The following DGCR2 variants were observed in gnomAD, a reference collection of about 807,000 sequenced individuals.
The protein encoded by DGCR2 is integral membrane protein DGCR2/IDD.
DGCR2 carries 24 observed loss-of-function variants against 51.6 expected under a neutral mutation model. The ratio of observed to expected loss-of-function variants is 0.47; its 90% confidence interval spans 0.34 to 0.65. The LOEUF is 0.65. Among genes scored for constraint, DGCR2 ranks in the 30% least tolerant of loss-of-function variants. The pLI is 0.01. For missense variants in DGCR2, 765 were observed against 772.1 expected, an observed-to-expected ratio of 0.99 and a Z score of 0.11; for synonymous variants, 340 against 315.4, an observed-to-expected ratio of 1.08 and a Z score of -0.82.
intron 1 of DGCR2, among the ~76,000 whole-genome samples, chr22:19,118,374 C>CAAAAA (rs923572855): frequency 9.7e-3 from 541 of 55,844 alleles, no homozygotes; most frequent in Middle Eastern, 0.017. Flanking sequence ...CCATCGCAAA[C>CAAAAA]AAAAAAAAAA....
At position 19,048,476 on chromosome 22, in the gene DGCR2, G is replaced by C; in HGVS notation, c.970C>G (p.Pro324Ala). 1 of 1,614,178 alleles carries C rather than the reference G, an allele frequency of 6.2e-7. No individual in the cohort carries two copies. The highest frequency in any genetic ancestry group is 8.5e-7 in the Non-Finnish European group (1 of 1,180,038). ...PQGCQQYRKDPKECCKFMCLD... is the reference protein window; with the variant it reads ...PQGCQQYRKDAKECCKFMCLD... ...CACATGAACTTGCAGCACTCTTTGG[G>C]GTCCTTGCGGTACTGTTGGCAGCCC... The change falls in exon 7 of 10, where the codon CCC (proline) becomes GCC (alanine). Residue 324 changes from proline to alanine, a missense_variant. Transcript: ENST00000263196.
At chr22:19,060,850 A>G (rs1232334699) in intron 5 of DGCR2, 1 of 515,844 alleles carries the variant, frequency 1.9e-6, no homozygotes, top group Non-Finnish European at 3.9e-6. Context: ...ACCAAGGCGC[A>G]CAGGAACCCT....
At chr22:19,096,376 T>A (rs1296726608) in intron 1 of DGCR2, among the ~76,000 whole-genome samples, 2 of 152,150 alleles carry the variant, frequency 1.3e-5, no homozygotes, top group Non-Finnish European at 2.9e-5. Flanking sequence ...AGAGGTTGGT[T>A]AATAGGTACA....
intron 2 of DGCR2, among the ~76,000 whole-genome samples, chr22:19,068,988 T>C (rs909683898): frequency 6.6e-6 from 1 of 152,150 alleles, no homozygotes; most frequent in Non-Finnish European, 1.5e-5. Flanking sequence ...TCTCACAAGG[T>C]GAAGGGCAGA....
chr22:19,059,224 C>A (rs190782903), intron 5 of DGCR2, among the ~76,000 whole-genome samples: 1 of 152,248 alleles, frequency 6.6e-6, no homozygotes, highest in African/African-American at 2.4e-5. Flanking sequence ...GGACCCCCAG[C>A]AGCTGTGTGA....
At chr22:19,094,553 T>G (rs893856628) in intron 1 of DGCR2, among the ~76,000 whole-genome samples, 1 of 152,262 alleles carries the variant, frequency 6.6e-6, no homozygotes, top group African/African-American at 2.4e-5. Flanking sequence ...AGTGAAAATG[T>G]AAATGGTACA....
intron 1 of DGCR2, among the ~76,000 whole-genome samples, chr22:19,107,424 T>C (rs1407041926): frequency 6.6e-6 from 1 of 152,182 alleles, no homozygotes; most frequent in African/African-American, 2.4e-5. Flanking sequence ...CATTTATTTC[T>C]CATAAATAAC....
intron 7 of DGCR2, chr22:19,045,491 G>A (rs1416446030): frequency 6.6e-6 from 1 of 152,242 alleles, no homozygotes; most frequent in African/African-American, 2.4e-5. Context: ...TACTATGGCT[G>A]TACAGTAACT....
chr22:19,098,850 T>A lies in DGCR2; in HGVS notation c.80-9360A>T, dbSNP rs527674225. 2.0e-5 allele frequency among the ~76,000 whole-genome samples: 3 copies of A among 152,242 alleles called. No individual in the cohort carries two copies. In the East Asian group the frequency reaches 5.8e-4, roughly 29 times the overall value. ...CTCAAGCAATCTTCTCACCTTATGC[T>A]CTCAAAGTTTTGGGATTACAGGCAT... On this transcript the variant is annotated intron_variant, in intron 1 of 9. Coordinates refer to ENST00000263196, the MANE Select transcript of DGCR2 (RefSeq NM_005137.3).
At chr22:19,053,976 G>A (rs989278164) in intron 6 of DGCR2, among the ~76,000 whole-genome samples, 1 of 152,196 alleles carries the variant, frequency 6.6e-6, no homozygotes. Context: ...TAGTAAACCT[G>A]AGGACAGGTC....
intron 1 of DGCR2, among the ~76,000 whole-genome samples, chr22:19,107,994 T>C (rs1452383051): frequency 3.3e-5 from 5 of 152,152 alleles, no homozygotes; most frequent in Non-Finnish European, 5.9e-5. Flanking sequence ...AATACATTAT[T>C]ATGAATCCTT....
chr22:19,086,321 C>G (rs2083015048), intron 2 of DGCR2, among the ~76,000 whole-genome samples: 1 of 151,400 alleles, frequency 6.6e-6, no homozygotes, highest in Non-Finnish European at 1.5e-5. Flanking sequence ...ACTAAAAATA[C>G]AAAAAAAATT....
In DGCR2 at chr22:19,068,168, C is replaced by T; in HGVS notation, c.260G>A (p.Gly87Glu). The change falls in exon 3 of 10, where the codon GGG becomes GAG. Residue 87 changes from glycine to glutamate, a missense_variant. Coordinates refer to ENST00000263196, the MANE Select transcript of DGCR2 (RefSeq NM_005137.3). Reference sequence around the variant, plus strand: ...CGAAGGGTCGCCTCCTCTGGCCCGCCCCTGCCGCGGATCCACAGCCTCCTT... The same window carrying T: ...CGAAGGGTCGCCTCCTCTGGCCCGCTCCTGCCGCGGATCCACAGCCTCCTT... ...HGKEAVDPRQ[G>E]RARGGDPSHF... 1 of 1,611,678 alleles carries T rather than the reference C, an allele frequency of 6.2e-7. No individual in the cohort carries two copies. The highest frequency in any genetic ancestry group is 1.1e-5 in the South Asian group (1 of 90,834).
Position 19,074,530 on chromosome 22 carries a change from G to A in DGCR2, c.203-6305C>T, listed in dbSNP as rs529800895. ...GCAGGCAAGACCTCACAGAGCACAG[G>A]GCCCAGACTCACCCACCAGGCTTAG... On this transcript the variant is annotated intron_variant, in intron 2 of 9. Transcript: ENST00000263196. Among the ~76,000 whole-genome samples, 3 of 152,202 alleles carry A rather than the reference G, an allele frequency of 2.0e-5. No individual in the cohort carries two copies. In the East Asian group the frequency reaches 5.8e-4, roughly 29 times the overall value.
chr22:19,059,249 G>A (rs1397737918), intron 5 of DGCR2, among the ~76,000 whole-genome samples: 3 of 152,150 alleles, frequency 2.0e-5, no homozygotes, highest in Non-Finnish European at 2.9e-5. Flanking sequence ...CGGTGGGGCT[G>A]GGGCCAGGAG....
rs1176930155 is a variant in DGCR2, at chr22:19,057,237, T to C, written c.626-75A>G. ...AGCTGTGCAGTCCTCAAGGGGACCATGGCGTCAGACAGGATCATCAACCAC... is the reference window on the plus strand; with the variant it reads ...AGCTGTGCAGTCCTCAAGGGGACCACGGCGTCAGACAGGATCATCAACCAC... On this transcript the variant is annotated intron_variant, in intron 5 of 9. Coordinates refer to ENST00000263196, the MANE Select transcript of DGCR2 (RefSeq NM_005137.3). The surrounding 1 kb of genome is among the most constrained non-coding windows in gnomAD (Gnocchi z 5.1). The C allele has an allele frequency of 4.2e-6, 6 of 1,427,038 alleles. No homozygotes were observed. The highest frequency in any genetic ancestry group is 5.6e-6 in the Non-Finnish European group (6 of 1,064,116). 88.4% of individuals were successfully genotyped at this position (1,427,038 alleles called of 1,614,324 possible).
In DGCR2 at chr22:19,122,350, G is replaced by A; in HGVS notation, c.-144C>T. 4 of 601,202 alleles carry A rather than the reference G, an allele frequency of 6.7e-6. No homozygotes were observed. In the South Asian group the frequency reaches 1.0e-4, roughly 16 times the overall value. The allele number at this position is 601,202 out of a possible 1,614,324, so 37.2% of individuals were successfully genotyped here. ...GGCGGCGGGAAAGAGCTTCGGCTGG[G>A]CCGCGGGCTGGCGCACACTCTCGGC... On this transcript the variant is annotated 5_prime_UTR_variant, in exon 1 of 10. Transcript: ENST00000263196.
chr22:19,069,305 T>C (rs2082786795), intron 2 of DGCR2, among the ~76,000 whole-genome samples: 1 of 152,230 alleles, frequency 6.6e-6, no homozygotes, highest in Non-Finnish European at 1.5e-5. Flanking sequence ...CAGCGCCACC[T>C]GACGAGCCCC....
intron 7 of DGCR2, among the ~76,000 whole-genome samples, chr22:19,042,693 C>T (rs147482307): frequency 2.6e-5 from 4 of 152,278 alleles, no homozygotes; most frequent in East Asian, 3.9e-4. Context: ...AGGCCTGGAC[C>T]GGGTAGTGAC....
Sources: allele counts gnomAD v4.1 joint callset (sites outside exome capture counted in the v4.1 genomes callset), GRCh38; gene constraint gnomAD v4.1.1; non-coding constraint Gnocchi (gnomAD v3.1); transcripts MANE v1.5; gene names NCBI Gene and HGNC (gene_info 2026-07-23, HGNC 2026-07-21).